BUB1B: variants seen among roughly 807,000 people sequenced by gnomAD.
BUB1B encodes BUB1 mitotic checkpoint serine/threonine kinase B, also known as mitotic checkpoint serine/threonine-protein kinase BUB1 beta.
In BUB1B, 86 loss-of-function variants were observed where a neutral mutation model predicts 137.7. The observed-to-expected ratio is 0.62, with a 90% CI of 0.52 to 0.75. The LOEUF is 0.75. BUB1B is among the 30% of genes least tolerant of loss of function. BUB1B has a pLI of 0.00. For synonymous variants in BUB1B, 420 were observed against 417.9 expected (o/e 1.00, Z -0.06); for missense variants, 1,130 against 1,236.9 (o/e 0.91, Z 1.30).
intron 20 of BUB1B, among the ~76,000 whole-genome samples, chr15:40,215,972 A>G (rs927920624): frequency 6.6e-6 from 1 of 152,166 alleles, no homozygotes; most frequent in Admixed American, 6.5e-5. Context: ...TTAGTTGCTT[A>G]CTTTAGTTTC....
intron 19 of BUB1B, among the ~76,000 whole-genome samples, 183 bp downstream of exon 19, chr15:40,212,831 CT>C (rs1452453770): frequency 1.3e-5 from 2 of 152,006 alleles, no homozygotes; most frequent in Non-Finnish European, 2.9e-5. Flanking sequence ...ATTTTTTTAA[CT>C]TTTTTTGGTC....
At chr15:40,218,282 A>T (rs1008102683) in intron 21 of BUB1B, among the ~76,000 whole-genome samples, 174 bp from the exon 22 acceptor site, 2 of 152,214 alleles carry the variant, frequency 1.3e-5, no homozygotes, top group African/African-American at 4.8e-5. Context: ...TCTATTGATC[A>T]CTTCTTTGGA....
chr15:40,187,349 A>G (rs2037380055), intron 8 of BUB1B, among the ~76,000 whole-genome samples: 1 of 151,914 alleles, frequency 6.6e-6, no homozygotes, highest in Non-Finnish European at 1.5e-5. Flanking sequence ...GATGGTCTCG[A>G]TCTCCTGACC....
At chr15:40,187,953 G>T (rs7177759) in intron 8 of BUB1B, among the ~76,000 whole-genome samples, 109,023 of 152,176 alleles carry the variant, frequency 0.72, 39,964 homozygotes, top group African/African-American at 0.84. Flanking sequence ...TTATAGAAAT[G>T]GATAACATAC....
Position 40,164,687 on chromosome 15 carries a change from G to C in BUB1B, c.36-366G>C, listed in dbSNP as rs2037074871. The stretch of plus-strand genomic sequence containing the variant: ...CTTTTTTTTTTTTTTTTTAAAGAAA[G>C]AGGCAGGGTCTTGCTATGTTGCCCA... On this transcript the variant is annotated intron_variant, in intron 1 of 22. Transcript: ENST00000287598. Among the ~76,000 whole-genome samples, 3 of 137,838 alleles carry C rather than the reference G, an allele frequency of 2.2e-5. No homozygotes were observed. The South Asian group carries it at 6.8e-4, about 31-fold the overall frequency. 90.4% of individuals were successfully genotyped at this position (137,838 alleles called of 152,430 possible).
At chr15:40,213,181 T>C in intron 19 of BUB1B, 151 bp from the exon 20 acceptor site, 3 of 752,192 alleles carry the variant, frequency 4.0e-6, no homozygotes, top group South Asian at 3.3e-5. Context: ...GGCAGTGTTA[T>C]TAAAACTGGG....
intron 8 of BUB1B, among the ~76,000 whole-genome samples, chr15:40,186,420 T>A (rs1046574237): frequency 2.0e-5 from 3 of 150,096 alleles, no homozygotes; most frequent in Non-Finnish European, 1.5e-5. Context: ...ATGCTTAACA[T>A]TGCCTAGTTC....
At chr15:40,201,617 T>G (rs1395109359) in intron 12 of BUB1B, among the ~76,000 whole-genome samples, 1 of 152,146 alleles carries the variant, frequency 6.6e-6, no homozygotes, top group Non-Finnish European at 1.5e-5. Flanking sequence ...AGTATACGGA[T>G]CTTAACTCTG....
At chr15:40,207,186 A>C (rs2140904648) in intron 15 of BUB1B, among the ~76,000 whole-genome samples, 1 of 152,320 alleles carries the variant, frequency 6.6e-6, no homozygotes. Flanking sequence ...GGTGGAAATG[A>C]ACTATGGAAT....
At chr15:40,206,079 G>T in intron 14 of BUB1B, 105 bp from the exon 15 acceptor site, 1 of 1,163,558 alleles carries the variant, frequency 8.6e-7, no homozygotes, top group Non-Finnish European at 1.3e-6. Flanking sequence ...ATTCTGATAT[G>T]CTATTTCTGT....
rs2037364162 is a variant in BUB1B, at chr15:40,186,529, C to T, written c.1058+887C>T. On this transcript the variant is annotated intron_variant, in intron 8 of 22. Coordinates refer to ENST00000287598, the MANE Select transcript of BUB1B (RefSeq NM_001211.6). Reference sequence around the variant, plus strand: ...GTGCGATCTGGGCTCACTGGAAGCTCTGCCTCCCAGGTTCACGCCATTCTC... The same window carrying T: ...GTGCGATCTGGGCTCACTGGAAGCTTTGCCTCCCAGGTTCACGCCATTCTC... Among the ~76,000 whole-genome samples the T allele has an allele frequency of 2.1e-5, 3 of 140,580 alleles. No homozygotes were observed. The South Asian group carries it at 6.9e-4, about 32-fold the overall frequency. 92.2% of individuals were successfully genotyped at this position (140,580 alleles called of 152,430 possible).
intron 15 of BUB1B, among the ~76,000 whole-genome samples, chr15:40,208,309 G>A (rs749386403): frequency 2.6e-5 from 4 of 152,142 alleles, no homozygotes; most frequent in East Asian, 3.9e-4. Flanking sequence ...AGGCTGAGAC[G>A]GGTGGACCAT....
At chr15:40,216,908 G>C (rs971338379) in intron 20 of BUB1B, among the ~76,000 whole-genome samples, 1 of 151,980 alleles carries the variant, frequency 6.6e-6, no homozygotes, top group African/African-American at 2.4e-5. Context: ...TAATTAATTA[G>C]TATTATAAAG....
chr15:40,200,425 C>G, intron 11 of BUB1B, 66 bp downstream of exon 11: 1 of 1,208,412 alleles, frequency 8.3e-7, no homozygotes, highest in African/African-American at 1.5e-5. Flanking sequence ...CTTTGACTCT[C>G]TAGTGCCTTG....
chr15:40,181,809 TC>T (rs1438656574), intron 5 of BUB1B, among the ~76,000 whole-genome samples: 1 of 152,250 alleles, frequency 6.6e-6, no homozygotes, highest in African/African-American at 2.4e-5. Flanking sequence ...TCTGTTTCAT[TC>T]TTTTTTATAA....
intron 5 of BUB1B, among the ~76,000 whole-genome samples, chr15:40,180,642 C>CTTTTTTTTTTTT (rs71132149): frequency 2.8e-3 from 185 of 65,792 alleles, no homozygotes; most frequent in East Asian, 4.7e-3. Context: ...TTTTCTTTTT[C>CTTTTTTTTTTTT]TTTTTTTTTT....
At chr15:40,215,152 TCA>T (rs2037759998) in intron 20 of BUB1B, among the ~76,000 whole-genome samples, 1 of 148,230 alleles carries the variant, frequency 6.7e-6, no homozygotes, top group South Asian at 2.1e-4. Flanking sequence ...ATCAGAAATT[TCA>T]CATAGATTCA....
At chr15:40,178,142 T>C (rs539740725) in intron 5 of BUB1B, among the ~76,000 whole-genome samples, 3 of 152,124 alleles carry the variant, frequency 2.0e-5, no homozygotes, top group South Asian at 4.1e-4. Flanking sequence ...TTTTGTAGTT[T>C]AAGGTGAAAG....
chr15:40,201,089 T>C, intron 12 of BUB1B, 109 bp downstream of exon 12: 1 of 973,412 alleles, frequency 1.0e-6, no homozygotes, highest in Non-Finnish European at 1.6e-6. Flanking sequence ...ACAGGGGGAC[T>C]AGGATACTAG....
Sources: allele counts gnomAD v4.1 joint callset (sites outside exome capture counted in the v4.1 genomes callset), GRCh38; gene constraint gnomAD v4.1.1; transcripts MANE v1.5; gene names NCBI Gene and HGNC (gene_info 2026-07-23, HGNC 2026-07-21).